LEPR: variants seen among roughly 807,000 people sequenced by gnomAD.
LEPR encodes OB receptor.
A neutral mutation model predicts 114.7 loss-of-function variants in LEPR; 56 were observed. The ratio of observed to expected loss-of-function variants is 0.49; its 90% CI spans 0.39 to 0.61. The LOEUF (loss-of-function observed/expected upper bound fraction) is 0.61, where lower values mean the gene tolerates loss of function less well. LEPR is among the 20% of genes least tolerant of loss of function. The pLI is 0.00. For synonymous variants in LEPR, 443 were observed against 461.4 expected (o/e 0.96, Z 0.51); for missense variants, 1,202 against 1,352.9 (o/e 0.89, Z 1.75).
At chr1:65,603,824 A>G (rs1170633033) in intron 10 of LEPR, among the ~76,000 whole-genome samples, 4 of 151,522 alleles carry the variant, frequency 2.6e-5, no homozygotes, top group African/African-American at 9.7e-5. Flanking sequence ...ATGGGTTCTG[A>G]GGTGGAGTGT....
At chr1:65,560,082 G>A (rs1407152886) in intron 2 of LEPR, among the ~76,000 whole-genome samples, 1 of 137,736 alleles carries the variant, frequency 7.3e-6, no homozygotes, top group Non-Finnish European at 1.6e-5. Context: ...TTCCAATTCT[G>A]TGAAGAAAGT....
At position 65,623,033 on chromosome 1, in the gene LEPR, C is replaced by T. The variant is rs80343559; in HGVS notation, c.2673+52C>T. On this transcript the variant is annotated intron_variant, in intron 19 of 19. Transcript: ENST00000349533. ...AGAATATATACGATTGCAATCTAGA[C>T]GCCATATGACTTATAGAGCATTAAG... 7.9e-3 allele frequency: 12,133 copies of T among 1,534,800 alleles called. 53 individuals carry two copies. Among genetic ancestry groups the T allele is most frequent in the Non-Finnish European group, 9.6e-3 (10,718 of 1,112,692 alleles).
At chr1:65,595,556 A>C (rs1656009190) in intron 6 of LEPR, among the ~76,000 whole-genome samples, 1 of 152,120 alleles carries the variant, frequency 6.6e-6, no homozygotes, top group Non-Finnish European at 1.5e-5. Flanking sequence ...AATACGTCTC[A>C]TAAAGTAAAA....
intron 3 of LEPR, among the ~76,000 whole-genome samples, chr1:65,566,496 A>T (rs1280726596): frequency 1.3e-5 from 2 of 152,186 alleles, no homozygotes. Flanking sequence ...CACCGTGCCC[A>T]GCCGATACAT....
chr1:65,605,310 T>G, intron 11 of LEPR, 73 bp downstream of exon 11: 9 of 1,587,118 alleles, frequency 5.7e-6, no homozygotes, highest in Non-Finnish European at 7.8e-6. Context: ...TTTAATGTTA[T>G]ATTTTGCCAT....
rs116102541 is a variant in LEPR at position 65,478,848 on chromosome 1, A to T, written c.-21+53470A>T. Among the ~76,000 whole-genome samples the T allele has an allele frequency of 4.8e-3, 734 of 152,188 alleles. 8 individuals carry two copies. The highest frequency in any genetic ancestry group is 0.017 in the African/African-American group (703 of 41,520). On this transcript the variant is annotated intron_variant, in intron 2 of 19. Transcript: ENST00000349533. Reference sequence around the variant, plus strand: ...AACAAGTAGGACCAATGGAAACTGTACTCACCCCACCTGTTGAAAACCTGG... The same window carrying T: ...AACAAGTAGGACCAATGGAAACTGTTCTCACCCCACCTGTTGAAAACCTGG...
chr1:65,636,165 G>C, intron 19 of LEPR, 26 bp from the exon 20 acceptor site: 2 of 1,613,044 alleles, frequency 1.2e-6, no homozygotes, highest in Non-Finnish European at 1.7e-6. Context: ...ACATAATTGA[G>C]CCTTAAAATG....
chr1:65,429,059 A>G (rs1336309130), intron 2 of LEPR, among the ~76,000 whole-genome samples: 3 of 152,198 alleles, frequency 2.0e-5, no homozygotes, highest in Non-Finnish European at 2.9e-5. Flanking sequence ...CTGGAGATAA[A>G]TGGCGTTTGA....
chr1:65,621,495 G>A (rs374019442), intron 18 of LEPR, 37 bp downstream of exon 18: 5 of 1,547,050 alleles, frequency 3.2e-6, no homozygotes, highest in Non-Finnish European at 4.5e-6. Context: ...TACGGCAAAA[G>A]TCCTTACGCG....
intron 2 of LEPR, among the ~76,000 whole-genome samples, chr1:65,457,627 T>C (rs1236717955): frequency 6.6e-6 from 1 of 152,182 alleles, no homozygotes; most frequent in African/African-American, 2.4e-5. Context: ...ATAACATACA[T>C]TGTACCTATT....
At chr1:65,603,728 A>G (rs1295206936) in intron 10 of LEPR, among the ~76,000 whole-genome samples, 2 of 142,042 alleles carry the variant, frequency 1.4e-5, no homozygotes, top group Non-Finnish European at 3.0e-5. Context: ...TTCATCAGCT[A>G]TCGTTAGTAT....
At chr1:65,492,946 C>T (rs1236918947) in intron 2 of LEPR, among the ~76,000 whole-genome samples, 2 of 151,682 alleles carry the variant, frequency 1.3e-5, no homozygotes, top group Non-Finnish European at 2.9e-5. Flanking sequence ...GGTTTGCTGC[C>T]CCTATCAACC....
intron 2 of LEPR, among the ~76,000 whole-genome samples, chr1:65,468,410 C>A (rs115633370): frequency 6.6e-6 from 1 of 152,250 alleles, no homozygotes; most frequent in Non-Finnish European, 1.5e-5. Context: ...TATAGTTATA[C>A]GAGAACAATC....
intron 2 of LEPR, chr1:65,432,540 C>T: frequency 1.2e-6 from 1 of 839,690 alleles, no homozygotes; most frequent in Non-Finnish European, 1.4e-6. Context: ...CACTTAACCT[C>T]TCTGGGTGTT....
intron 2 of LEPR, among the ~76,000 whole-genome samples, chr1:65,428,652 G>C (rs1251083439): frequency 6.6e-6 from 1 of 152,082 alleles, no homozygotes; most frequent in Non-Finnish European, 1.5e-5. Flanking sequence ...TGTAGGTGCT[G>C]TCTGGGCGTA....
chr1:65,623,538 T>G (rs1165135233), intron 19 of LEPR, among the ~76,000 whole-genome samples: 1 of 152,162 alleles, frequency 6.6e-6, no homozygotes, highest in Non-Finnish European at 1.5e-5. Flanking sequence ...TATAGTAGGA[T>G]TTTTCAGAAA....
At chr1:65,607,179 G>A (rs1570803714) in intron 11 of LEPR, among the ~76,000 whole-genome samples, 1 of 152,122 alleles carries the variant, frequency 6.6e-6, no homozygotes, top group African/African-American at 2.4e-5. Context: ...CTTAGTTATG[G>A]TTTGGGTTAT....
At chr1:65,443,121 T>G (rs747164593) in intron 2 of LEPR, among the ~76,000 whole-genome samples, 7 of 152,206 alleles carry the variant, frequency 4.6e-5, no homozygotes, top group Non-Finnish European at 8.8e-5. Context: ...AGATTATTAT[T>G]TGCATTCTAT....
intron 2 of LEPR, among the ~76,000 whole-genome samples, chr1:65,463,091 A>G (rs1646966783): frequency 6.6e-6 from 1 of 152,198 alleles, no homozygotes; most frequent in South Asian, 2.1e-4. Context: ...CCTGAATGGT[A>G]GTACCTAGGT....
Sources: gnomAD v4.1 joint callset for allele counts (sites outside exome capture counted in the v4.1 genomes callset) on GRCh38, gnomAD v4.1.1 for gene constraint, MANE v1.5 for transcripts, NCBI Gene and HGNC (gene_info 2026-07-23, HGNC 2026-07-21) for gene names.